Variants in ACOT7 observed in about 807,000 individuals in gnomAD.
The protein encoded by ACOT7 is cytosolic acyl coenzyme A thioester hydrolase.
A neutral mutation model predicts 40.2 loss-of-function variants in ACOT7; 12 were observed. The observed-to-expected ratio is 0.30, with a 90% CI of 0.19 to 0.48. The LOEUF (loss-of-function observed/expected upper bound fraction) is 0.48. Ranked by LOEUF, ACOT7 falls within the 20% of genes least tolerant of loss-of-function variation. ACOT7 has a pLI of 0.99. For missense variants in ACOT7, 395 were observed against 530.8 expected (o/e 0.74, Z 2.51); for synonymous variants, 228 against 219.5 (o/e 1.04, Z -0.34).
At chr1:6,385,806 T>A (rs1642429201) in intron 1 of ACOT7, 2 of 1,417,160 alleles carry the variant, frequency 1.4e-6, no homozygotes, top group African/African-American at 1.5e-5. Context: ...CTGCTCCTCC[T>A]AGGACCGCCC....
intron 1 of ACOT7, among the ~76,000 whole-genome samples, chr1:6,365,707 G>C (rs545115021): frequency 1.4e-3 from 208 of 150,618 alleles, no homozygotes; most frequent in Non-Finnish European, 1.2e-3. Context: ...GGCGGAGCTT[G>C]CAGTGAGCCG....
chr1:6,285,667 G>A (rs567721161), intron 7 of ACOT7, among the ~76,000 whole-genome samples: 20 of 152,210 alleles, frequency 1.3e-4, no homozygotes, highest in Non-Finnish European at 2.2e-4. Flanking sequence ...TGAAGACAGC[G>A]TGTCCAGGTG....
At chr1:6,343,505 G>A (rs1055381342) in intron 2 of ACOT7, among the ~76,000 whole-genome samples, 3 of 152,260 alleles carry the variant, frequency 2.0e-5, no homozygotes, top group Non-Finnish European at 2.9e-5. Context: ...TGGTTTGCAC[G>A]GGCTTGTCCC....
At chr1:6,345,440 A>C (rs761084201) in intron 2 of ACOT7, among the ~76,000 whole-genome samples, 20 of 152,248 alleles carry the variant, frequency 1.3e-4, no homozygotes, top group Non-Finnish European at 2.4e-4. Flanking sequence ...GTGCAGCGAC[A>C]CAACCTCTCC....
chr1:6,331,703 G>A (rs575720941), intron 4 of ACOT7, among the ~76,000 whole-genome samples: 2 of 152,102 alleles, frequency 1.3e-5, no homozygotes, highest in African/African-American at 2.4e-5. Flanking sequence ...CCACCAGCCT[G>A]CCCTTCCCAT....
At position 6,306,755 on chromosome 1, in the gene ACOT7, G is replaced by T. The variant is rs547406412; in HGVS notation, c.712+11737C>A. 1.6e-6 allele frequency: 2 copies of T among 1,260,764 alleles called. No individual in the cohort carries two copies. The highest frequency in any genetic ancestry group is 3.1e-5 in the African/African-American group (2 of 64,796). 78.1% of individuals were successfully genotyped at this position (1,260,764 alleles called of 1,614,324 possible). The stretch of plus-strand genomic sequence containing the variant: ...TCTTCGTCCACCTTTTTCCTTCCTT[G>T]CCCCAACACTGAGGGTCTGGTGTGT... On this transcript the variant is annotated intron_variant, in intron 6 of 8. Coordinates refer to ENST00000361521, the MANE Select transcript of ACOT7 (RefSeq NM_007274.4). This position sits in a 1 kb window ranked among gnomAD's most constrained non-coding sequence, Gnocchi z 4.3.
intron 2 of ACOT7, among the ~76,000 whole-genome samples, chr1:6,347,841 C>A (rs1164746761): frequency 6.6e-6 from 1 of 152,014 alleles, no homozygotes; most frequent in African/African-American, 2.4e-5. Context: ...AACTTTAGCT[C>A]CTGAAGCATT....
chr1:6,364,628 T>A (rs1358461854), intron 1 of ACOT7, among the ~76,000 whole-genome samples: 3 of 151,028 alleles, frequency 2.0e-5, no homozygotes, highest in Admixed American at 6.6e-5. Context: ...GGTGGGCAGA[T>A]CACGAGGTCA....
Position 6,275,641 on chromosome 1 carries a change from C to T in ACOT7, c.1014+5461G>A, listed in dbSNP as rs370038103. The stretch of plus-strand genomic sequence containing the variant: ...CTGAGGCAGGAGAATCGTTTGAACC[C>T]GGGAGGCAGCGGTTGCAGTGAGCCG... On this transcript the variant is annotated intron_variant, in intron 8 of 8. Transcript: ENST00000361521. This position sits in a 1 kb window ranked among gnomAD's most constrained non-coding sequence, Gnocchi z 5.6. 2.1e-4 allele frequency among the ~76,000 whole-genome samples: 30 copies of T among 146,246 alleles called. No individual in the cohort carries two copies. The East Asian group carries it at 6.2e-3, about 30-fold the overall frequency.
chr1:6,321,514 C>T (rs1242178271), intron 5 of ACOT7, among the ~76,000 whole-genome samples: 1 of 152,154 alleles, frequency 6.6e-6, no homozygotes, highest in East Asian at 1.9e-4. Context: ...TGACACAAGG[C>T]TGAGTCTTTT....
chr1:6,376,511 G>A (rs181603060), intron 1 of ACOT7, among the ~76,000 whole-genome samples: 170 of 151,822 alleles, frequency 1.1e-3, no homozygotes, highest in African/African-American at 3.9e-3. Flanking sequence ...GGTGGATCAC[G>A]AGGTCAGGAG....
At chr1:6,322,146 A>G (rs3789489) in intron 5 of ACOT7, among the ~76,000 whole-genome samples, 51,256 of 150,348 alleles carry the variant, frequency 0.34, 12,817 homozygotes, top group African/African-American at 0.72. Context: ...AAGCCTTGGC[A>G]CTTGGAGGGG....
At chr1:6,307,266 G>T (rs1046822822) in intron 6 of ACOT7, among the ~76,000 whole-genome samples, 1 of 152,238 alleles carries the variant, frequency 6.6e-6, no homozygotes, top group Non-Finnish European at 1.5e-5. Context: ...CGCACGTGCA[G>T]CCTGGCACAA....
intron 1 of ACOT7, among the ~76,000 whole-genome samples, chr1:6,353,278 C>T (rs534616512): frequency 7.2e-5 from 11 of 152,012 alleles, no homozygotes; most frequent in African/African-American, 2.7e-4. Flanking sequence ...ACAATTGCAC[C>T]ACTGCACTCA....
At chr1:6,300,555 C>G (rs1208880997) in intron 6 of ACOT7, among the ~76,000 whole-genome samples, 4 of 149,270 alleles carry the variant, frequency 2.7e-5, no homozygotes, top group African/African-American at 7.4e-5. Flanking sequence ...TCACCGGACC[C>G]CACCCGATCC....
Position 6,299,703 on chromosome 1 carries a change from G to C in ACOT7, c.713-4723C>G, listed in dbSNP as rs1639914579. Among the ~76,000 whole-genome samples the C allele has an allele frequency of 6.6e-6, 1 of 152,142 alleles. No homozygotes were observed. Among genetic ancestry groups the C allele is most frequent in the Non-Finnish European group, 1.5e-5 (1 of 68,020 alleles). The stretch of plus-strand genomic sequence containing the variant: ...GTGTGTGTGTGTGTAGGGCACGTGT[G>C]TGCGTGTGTTTAAGGGGCTTAGTAG... On this transcript the variant is annotated intron_variant, in intron 6 of 8. Transcript: ENST00000361521. The surrounding 1 kb of genome is among the most constrained non-coding windows in gnomAD (Gnocchi z 4.1).
chr1:6,330,518 T>C lies in ACOT7; in HGVS notation c.510+2959A>G, dbSNP rs1251777940. On this transcript the variant is annotated intron_variant, in intron 4 of 8. Transcript: ENST00000361521. This position sits in a 1 kb window ranked among gnomAD's most constrained non-coding sequence, Gnocchi z 4.6. ...CTCCGGCTGCCTCGGAGCCATGGAA[T>C]GGTTTCAACAACTCCTCGACAAGGC... Among the ~76,000 whole-genome samples, 1 of 152,148 alleles carries C rather than the reference T, an allele frequency of 6.6e-6. No individual in the cohort carries two copies. The highest frequency in any genetic ancestry group is 6.5e-5 in the Admixed American group (1 of 15,286).
intron 2 of ACOT7, 137 bp downstream of exon 2, chr1:6,349,612 C>T: frequency 1.2e-6 from 1 of 855,680 alleles, no homozygotes; most frequent in Non-Finnish European, 1.8e-6. Context: ...AATACTTGGG[C>T]CACTTCTCCC....
chr1:6,363,301 G>A (rs1018146885), intron 1 of ACOT7, among the ~76,000 whole-genome samples: 4 of 152,148 alleles, frequency 2.6e-5, no homozygotes, highest in Non-Finnish European at 4.4e-5. Flanking sequence ...CGTGGTTCCA[G>A]CAGTAGCGTC....
Sources: gnomAD v4.1 joint callset for allele counts (sites outside exome capture counted in the v4.1 genomes callset) on GRCh38, gnomAD v4.1.1 for gene constraint, Gnocchi (gnomAD v3.1) non-coding constraint, MANE v1.5 for transcripts, NCBI Gene and HGNC (gene_info 2026-07-23, HGNC 2026-07-21) for gene names.